Variants in PARVB observed in about 807,000 individuals in gnomAD.
PARVB encodes parvin beta.
A neutral mutation model predicts 47.0 loss-of-function variants in PARVB; 46 were observed. The observed-to-expected ratio is 0.98, with a 90% CI of 0.77 to 1.25. The LOEUF is 1.25. Ranked by LOEUF, PARVB falls within the 50% of genes most tolerant of loss-of-function variation. The probability of loss-of-function intolerance (pLI) is 0.00; values close to 1 mark genes in which losing one functional copy is unlikely to be tolerated. For synonymous variants in PARVB, 196 were observed against 196.3 expected (o/e 1.00, Z 0.01); for missense variants, 473 against 471.6 (o/e 1.00, Z -0.03).
intron 9 of PARVB, chr22:44,148,313 A>G (rs1290009952): frequency 3.4e-6 from 1 of 294,756 alleles, no homozygotes; most frequent in Non-Finnish European, 6.7e-6. Flanking sequence ...GCTGTGCCAT[A>G]CATGGATTTG....
At chr22:44,016,166 G>T (rs369512079) in intron 2 of PARVB, among the ~76,000 whole-genome samples, 1 of 143,534 alleles carries the variant, frequency 7.0e-6, no homozygotes, top group African/African-American at 2.6e-5. Context: ...GCGTGATCTC[G>T]GCTCACTGCA....
Position 44,132,966 on chromosome 22 carries a change from T to TCCGC in PARVB, c.592_595dup (p.Leu199ProfsTer4). Reference sequence around the variant, plus strand: ...CTGGCCATGCACTTCAGGGCCCCCATCCGCCTTCCTGAGCATGTAACGGTG... The same window carrying TCCGC: ...CTGGCCATGCACTTCAGGGCCCCCATCCGCCCGCCTTCCTGAGCATGTAACGGTG... On this transcript the variant is annotated frameshift_variant, in exon 6 of 13. Transcript: ENST00000338758. LOFTEE classifies it high-confidence loss of function. 3.1e-6 allele frequency: 5 copies of TCCGC among 1,614,064 alleles called. No homozygotes were observed. The highest frequency in any genetic ancestry group is 4.2e-6 in the Non-Finnish European group (5 of 1,179,998).
chr22:44,156,183 C>G (rs1054819600), intron 10 of PARVB, among the ~76,000 whole-genome samples: 9 of 152,074 alleles, frequency 5.9e-5, no homozygotes, highest in Admixed American at 1.3e-4. Context: ...CTGTTGCCCA[C>G]TGGCACTAGC....
chr22:44,056,921 CG>C lies in PARVB; in HGVS notation c.112+32471del, dbSNP rs1569081294. On this transcript the variant is annotated intron_variant, in intron 1 of 12. Transcript: ENST00000338758. ...TGCCCAGGGGTTAGAGGCTTGGGAC[CG>C]AGCTGGGGGCTGAGCTGGGGGTGGA... Among the ~76,000 whole-genome samples the C allele has an allele frequency of 9.0e-5, 9 of 99,998 alleles. No individual in the cohort carries two copies. In the East Asian group the frequency reaches 2.2e-3, roughly 25 times the overall value. The allele number at this position is 99,998 out of a possible 152,430, so 65.6% of individuals were successfully genotyped here.
chr22:44,043,526 C>T (rs1252060199), intron 1 of PARVB, among the ~76,000 whole-genome samples: 2 of 152,066 alleles, frequency 1.3e-5, no homozygotes, highest in African/African-American at 4.8e-5. Context: ...TACAGGTGCC[C>T]GCCACCACGC....
chr22:44,093,899 C>A, intron 1 of PARVB, 29 bp from the exon 2 acceptor site: 1 of 1,523,000 alleles, frequency 6.6e-7, no homozygotes, highest in Non-Finnish European at 9.1e-7. Context: ...TGTATACTAA[C>A]CTGGTTTTTC....
chr22:44,096,396 T>C (rs1048379853), intron 2 of PARVB, among the ~76,000 whole-genome samples: 3 of 152,056 alleles, frequency 2.0e-5, no homozygotes, highest in African/African-American at 7.3e-5. Flanking sequence ...AGACCTTGTC[T>C]CAAAAAATAA....
At chr22:44,121,085 C>T (rs1452129837) in intron 4 of PARVB, among the ~76,000 whole-genome samples, 1 of 150,136 alleles carries the variant, frequency 6.7e-6, no homozygotes, top group Non-Finnish European at 1.5e-5. Flanking sequence ...TCATGATCCA[C>T]CCACCTCAGC....
chr22:44,157,994 G>A lies in PARVB; in HGVS notation c.856G>A (p.Val286Met), dbSNP rs544224971. 137 of 1,613,122 alleles carry A rather than the reference G, an allele frequency of 8.5e-5. 4 individuals carry two copies. The South Asian group carries it at 1.3e-3, about 15-fold the overall frequency. Residue 286 changes from valine to methionine, a missense_variant, in exon 11 of 13, where the codon GTG becomes ATG. Transcript: ENST00000338758. ...TELETQFADG[V>M]YLVLLMGLLE... Reference sequence around the variant, plus strand: ...TCTTTCTCTGCAGTTTGCAGATGGCGTGTACCTGGTTCTGCTCATGGGCCT... The same window carrying A: ...TCTTTCTCTGCAGTTTGCAGATGGCATGTACCTGGTTCTGCTCATGGGCCT...
At chr22:44,010,743 T>C (rs1384334903) in intron 2 of PARVB, among the ~76,000 whole-genome samples, 2 of 150,364 alleles carry the variant, frequency 1.3e-5, no homozygotes, top group African/African-American at 5.0e-5. Context: ...TATCTGATTT[T>C]GTATGGCCTG....
At position 44,142,238 on chromosome 22, in the gene PARVB, C is replaced by T. The variant is rs549785025; in HGVS notation, c.712+2095C>T. On this transcript the variant is annotated intron_variant, in intron 8 of 12. Transcript: ENST00000338758. ...TAAAAATACAAAAAAATTAGCCGGG[C>T]GTGGTGGCGGGCACCTGTAGTCCCA... 6.1e-3 allele frequency: 925 copies of T among 152,020 alleles called. 7 individuals are homozygous for T. The highest frequency in any genetic ancestry group is 0.01 in the Middle Eastern group (3 of 294). The allele number at this position is 152,020 out of a possible 1,614,324, so 9.4% of individuals were successfully genotyped here.
chr22:44,083,490 A>G (rs1177102519), intron 1 of PARVB, among the ~76,000 whole-genome samples: 1 of 152,178 alleles, frequency 6.6e-6, no homozygotes, highest in African/African-American at 2.4e-5. Flanking sequence ...TGTCATGTGC[A>G]CGGGGAGCTG....
chr22:44,140,731 CA>C, intron 8 of PARVB: 1 of 388,834 alleles, frequency 2.6e-6, no homozygotes, highest in South Asian at 1.8e-5. Context: ...TGGGTGAGAT[CA>C]CAGGTGAGTG....
rs548786286 is a variant in PARVB, at chr22:44,115,755, G to A, written c.274-3283G>A. 2.9e-5 allele frequency: 3 copies of A among 101,968 alleles called. 1 individual carries two copies. In the South Asian group the frequency reaches 9.1e-4, roughly 31 times the overall value. 6.3% of individuals were successfully genotyped at this position (101,968 alleles called of 1,614,324 possible). ...CACAGATACATTGTTATTAACTAAGGCCCTGCACCAACACAGATACATTGT... is the reference window on the plus strand; with the variant it reads ...CACAGATACATTGTTATTAACTAAGACCCTGCACCAACACAGATACATTGT... On this transcript the variant is annotated intron_variant, in intron 3 of 12. Transcript: ENST00000338758.
intron 9 of PARVB, 109 bp downstream of exon 9, chr22:44,148,031 T>C: frequency 1.2e-6 from 1 of 853,884 alleles, no homozygotes; most frequent in Admixed American, 2.0e-5. Flanking sequence ...ATCTCAGAAA[T>C]GTTTGCCACA....
rs374494409 is a variant in PARVB, at chr22:44,121,090, C to T, written c.376+1950C>T. Among the ~76,000 whole-genome samples, 8 of 150,188 alleles carry T rather than the reference C, an allele frequency of 5.3e-5. No individual in the cohort carries two copies. In the South Asian group the frequency reaches 1.5e-3, roughly 28 times the overall value. ...TCTCCTGACCTCATGATCCACCCACCTCAGCCTCCCAAAGTGCTGGGATTA... is the reference window on the plus strand; with the variant it reads ...TCTCCTGACCTCATGATCCACCCACTTCAGCCTCCCAAAGTGCTGGGATTA... On this transcript the variant is annotated intron_variant, in intron 4 of 12. Coordinates refer to ENST00000338758, the MANE Select transcript of PARVB (RefSeq NM_013327.5).
chr22:44,029,568 G>A (rs1013456568), intron 1 of PARVB, among the ~76,000 whole-genome samples: 4 of 152,042 alleles, frequency 2.6e-5, no homozygotes, highest in African/African-American at 9.7e-5. Flanking sequence ...CTAAGGCCAG[G>A]AGTTTGAGAC....
At chr22:44,101,901 G>T (rs1170404115) in intron 3 of PARVB, among the ~76,000 whole-genome samples, 1 of 152,160 alleles carries the variant, frequency 6.6e-6, no homozygotes, top group Non-Finnish European at 1.5e-5. Context: ...GATGAGGAAA[G>T]TCACTGTCTT....
chr22:44,039,748 G>A (rs1000842890), intron 1 of PARVB: 1 of 403,824 alleles, frequency 2.5e-6, no homozygotes, highest in African/African-American at 2.1e-5. Context: ...AATCACCCGA[G>A]ACTCTCAAAA....
Sources: gnomAD v4.1 joint callset for allele counts (sites outside exome capture counted in the v4.1 genomes callset) on GRCh38, gnomAD v4.1.1 for gene constraint, MANE v1.5 for transcripts, NCBI Gene and HGNC (gene_info 2026-07-23, HGNC 2026-07-21) for gene names.